Variants in ACSF2 observed in about 807,000 individuals in gnomAD.
ACSF2 encodes the protein medium-chain acyl-CoA ligase ACSF2, mitochondrial.
In ACSF2, 52 loss-of-function variants were observed where a neutral mutation model predicts 79.3. The observed-to-expected ratio is 0.66, with a 90% CI of 0.53 to 0.83. The LOEUF is 0.83. Among genes scored for constraint, ACSF2 ranks in the 40% least tolerant of loss-of-function variants. The pLI, the probability that ACSF2 is intolerant of heterozygous loss-of-function variation, is 0.00. For synonymous variants in ACSF2, 283 were observed against 312.6 expected (o/e 0.91, Z 1.00); for missense variants, 661 against 803.3 (o/e 0.82, Z 2.14).
intron 1 of ACSF2, among the ~76,000 whole-genome samples, chr17:50,449,296 C>T (rs1180655001): frequency 6.6e-6 from 1 of 151,994 alleles, no homozygotes; most frequent in Non-Finnish European, 1.5e-5. Flanking sequence ...GGATTACAGG[C>T]ATGAGCCACC....
At chr17:50,443,266 T>G (rs1334109382) in intron 1 of ACSF2, among the ~76,000 whole-genome samples, 4 of 152,152 alleles carry the variant, frequency 2.6e-5, no homozygotes. Flanking sequence ...TCCCTAAAAG[T>G]AGAATTGCCA....
rs1267166007 is a variant in ACSF2 at position 50,474,687 on chromosome 17, G to A, written c.*135G>A. Reference sequence around the variant, plus strand: ...TCAAATGTCAAGGAATTGACTGAACGAACTAAGAGCTCCTGGATGGGTCCG... The same window carrying A: ...TCAAATGTCAAGGAATTGACTGAACAAACTAAGAGCTCCTGGATGGGTCCG... On this transcript the variant is annotated 3_prime_UTR_variant, in exon 16 of 16. Coordinates refer to ENST00000300441, the MANE Select transcript of ACSF2 (RefSeq NM_025149.6). The surrounding 1 kb of genome is among the most constrained non-coding windows in gnomAD (Gnocchi z 4.2). The A allele has an allele frequency of 1.1e-5, 11 of 1,001,180 alleles. No individual in the cohort carries two copies. Among genetic ancestry groups the A allele is most frequent in the Admixed American group, 2.2e-5 (1 of 45,718 alleles). The allele number at this position is 1,001,180 out of a possible 1,614,324, so 62.0% of individuals were successfully genotyped here.
intron 1 of ACSF2, among the ~76,000 whole-genome samples, chr17:50,444,295 G>A (rs1322457445): frequency 6.6e-6 from 1 of 152,158 alleles, no homozygotes; most frequent in Non-Finnish European, 1.5e-5. Context: ...GCTCACACCT[G>A]TAATCCCAGC....
intron 10 of ACSF2, chr17:50,465,572 G>A: frequency 1.4e-6 from 2 of 1,466,556 alleles, no homozygotes; most frequent in Non-Finnish European, 1.9e-6. Flanking sequence ...TACAAATGGG[G>A]AAACTGAGGC....
chr17:50,468,923 C>G, intron 10 of ACSF2: 2 of 1,407,078 alleles, frequency 1.4e-6, no homozygotes, highest in African/African-American at 1.5e-5. Flanking sequence ...TGGCCCTGAC[C>G]GCAGCCGGCA....
chr17:50,456,788 G>A (rs945391454), intron 1 of ACSF2, among the ~76,000 whole-genome samples: 3 of 152,016 alleles, frequency 2.0e-5, no homozygotes, highest in Non-Finnish European at 2.9e-5. Context: ...GGCCAGGTGC[G>A]GTGGCTCACA....
At chr17:50,454,847 A>AT (rs796672276) in intron 1 of ACSF2, among the ~76,000 whole-genome samples, 383 of 148,088 alleles carry the variant, frequency 2.6e-3, no homozygotes, top group African/African-American at 8.8e-3. Context: ...ATTGAACTGG[A>AT]TTTTTTTTTT....
At chr17:50,464,385 T>A in intron 10 of ACSF2, 91 bp downstream of exon 10, 1 of 1,314,736 alleles carries the variant, frequency 7.6e-7, no homozygotes, top group South Asian at 1.2e-5. Flanking sequence ...GGCCAGATGT[T>A]CAAAGGAGAC....
chr17:50,463,598 T>C lies in ACSF2; in HGVS notation c.1046+46T>C. On this transcript the variant is annotated intron_variant, in intron 8 of 15. Transcript: ENST00000300441. The surrounding 1 kb of genome is among the most constrained non-coding windows in gnomAD (Gnocchi z 4.6). Reference sequence around the variant, plus strand: ...TACTTGTGGGCTGATAAAACCCTCTTCTTCCTCACTCCTGGGCCCTGACAC... The same window carrying C: ...TACTTGTGGGCTGATAAAACCCTCTCCTTCCTCACTCCTGGGCCCTGACAC... 1.2e-6 allele frequency: 2 copies of C among 1,600,390 alleles called. No homozygotes were observed. The highest frequency in any genetic ancestry group is 1.7e-6 in the Non-Finnish European group (2 of 1,172,212).
At chr17:50,468,182 G>T in intron 10 of ACSF2, 1 of 1,614,130 alleles carries the variant, frequency 6.2e-7, no homozygotes, top group South Asian at 1.1e-5. Flanking sequence ...GGCAGCTGAG[G>T]GGTAGCTGGA....
At chr17:50,434,826 C>G (rs2030256139) in intron 1 of ACSF2, among the ~76,000 whole-genome samples, 1 of 151,874 alleles carries the variant, frequency 6.6e-6, no homozygotes, top group Non-Finnish European at 1.5e-5. Flanking sequence ...GATCATGGGG[C>G]TTTATGATAT....
intron 1 of ACSF2, among the ~76,000 whole-genome samples, chr17:50,429,813 C>T (rs144081702): frequency 2.0e-5 from 3 of 152,306 alleles, no homozygotes; most frequent in East Asian, 1.9e-4. Context: ...CCACCACGCC[C>T]GGCCCAGAGT....
rs150189658 is a variant in ACSF2 at position 50,443,199 on chromosome 17, C to T, written c.128+16810C>T. ...CTGGGATTACAGGCGTGAGCCACCG[C>T]GCCCGGCCAGGTTTTTGTTTGTTTG... is the stretch of plus-strand genomic sequence containing the variant. On this transcript the variant is annotated intron_variant, in intron 1 of 15. Coordinates refer to ENST00000300441, the MANE Select transcript of ACSF2 (RefSeq NM_025149.6). 5.0e-3 allele frequency among the ~76,000 whole-genome samples: 763 copies of T among 152,246 alleles called. 8 individuals carry two copies. The highest frequency in any genetic ancestry group is 0.017 in the African/African-American group (721 of 41,546).
At chr17:50,449,301 G>A (rs2031507490) in intron 1 of ACSF2, among the ~76,000 whole-genome samples, 1 of 151,900 alleles carries the variant, frequency 6.6e-6, no homozygotes, top group Admixed American at 6.6e-5. Flanking sequence ...ACAGGCATGA[G>A]CCACCACGCC....
At chr17:50,460,519 T>C in intron 1 of ACSF2, 158 bp from the exon 2 acceptor site, 1 of 668,910 alleles carries the variant, frequency 1.5e-6, no homozygotes, top group Non-Finnish European at 2.5e-6. Context: ...GGGAAAAGGG[T>C]CTGGGGGATT....
intron 1 of ACSF2, among the ~76,000 whole-genome samples, chr17:50,429,520 T>A (rs546686551): frequency 1.3e-3 from 196 of 145,612 alleles, no homozygotes; most frequent in Admixed American, 3.9e-3. Flanking sequence ...TTTCTCTTTT[T>A]CTTTTTTTTT....
At chr17:50,468,981 G>A (rs2032952152) in intron 10 of ACSF2, 1 of 1,369,278 alleles carries the variant, frequency 7.3e-7, no homozygotes, top group African/African-American at 1.5e-5. Context: ...GGCTTAACTC[G>A]CTCGCGCCCA....
intron 1 of ACSF2, among the ~76,000 whole-genome samples, chr17:50,429,136 C>A (rs1450123969): frequency 1.3e-5 from 2 of 152,254 alleles, no homozygotes; most frequent in Admixed American, 1.3e-4. Context: ...TTAGACTATC[C>A]TGGATGACAG....
chr17:50,468,398 G>A, intron 10 of ACSF2: 1 of 1,614,202 alleles, frequency 6.2e-7, no homozygotes. Flanking sequence ...CAACCCCCGG[G>A]GCAGCTCAGT....
Sources: gnomAD v4.1 joint callset for allele counts (sites outside exome capture counted in the v4.1 genomes callset) on GRCh38, gnomAD v4.1.1 for gene constraint, Gnocchi (gnomAD v3.1) non-coding constraint, MANE v1.5 for transcripts, NCBI Gene and HGNC (gene_info 2026-07-23, HGNC 2026-07-21) for gene names.